SMAD1: variants seen among roughly 807,000 people sequenced by gnomAD.
The protein encoded by SMAD1 is MAD, mothers against decapentaplegic homolog 1.
In SMAD1, 6 loss-of-function variants were observed where a neutral mutation model predicts 41.6. The observed-to-expected ratio is 0.14, with a 90% confidence interval of 0.08 to 0.28. SMAD1 has a LOEUF of 0.28. Ranked by LOEUF, SMAD1 falls within the 10% of genes least tolerant of loss-of-function variation. The pLI, the probability that SMAD1 is intolerant of heterozygous loss-of-function variation, is 1.00. For synonymous variants in SMAD1, 206 were observed against 203.2 expected (o/e 1.01, Z -0.12); for missense variants, 379 against 582.6 (o/e 0.65, Z 3.60).
intron 3 of SMAD1, among the ~76,000 whole-genome samples, chr4:145,541,840 A>T (rs1731959327): frequency 6.6e-6 from 1 of 152,222 alleles, no homozygotes; most frequent in South Asian, 2.1e-4. Context: ...ATGGAAAAGG[A>T]TTATTTGTGA....
chr4:145,500,388 T>C (rs1271075324), intron 1 of SMAD1, among the ~76,000 whole-genome samples: 1 of 152,130 alleles, frequency 6.6e-6, no homozygotes, highest in Non-Finnish European at 1.5e-5. Context: ...TTCTCTCCCC[T>C]CACTCCATTC....
chr4:145,527,945 C>G (rs1206372286), intron 2 of SMAD1, among the ~76,000 whole-genome samples: 20 of 151,618 alleles, frequency 1.3e-4, no homozygotes, highest in African/African-American at 4.6e-4. Context: ...ACTGCAACTT[C>G]CACCGCTCCC....
chr4:145,509,335 T>C (rs150196923), intron 1 of SMAD1, among the ~76,000 whole-genome samples: 1 of 152,338 alleles, frequency 6.6e-6, no homozygotes, highest in East Asian at 1.9e-4. Flanking sequence ...AGCACTGTGC[T>C]AGGCATACTT....
At chr4:145,557,295 G>A (rs977694367) in intron 6 of SMAD1, among the ~76,000 whole-genome samples, 1 of 152,200 alleles carries the variant, frequency 6.6e-6, no homozygotes, top group Non-Finnish European at 1.5e-5. Context: ...ATACTTGAAT[G>A]TACTCCTGCC....
At chr4:145,487,512 T>G (rs138842378) in intron 1 of SMAD1, among the ~76,000 whole-genome samples, 60 of 152,338 alleles carry the variant, frequency 3.9e-4, no homozygotes, top group African/African-American at 1.4e-3. Context: ...CTGAAACCTC[T>G]TGACCCTTTA....
intron 3 of SMAD1, among the ~76,000 whole-genome samples, chr4:145,540,539 C>G (rs1731865782): frequency 6.6e-6 from 1 of 152,094 alleles, no homozygotes. Flanking sequence ...TGATGTAATC[C>G]CAAGAAACGT....
chr4:145,515,067 G>A, intron 2 of SMAD1, 54 bp downstream of exon 2: 1 of 1,498,744 alleles, frequency 6.7e-7, no homozygotes, highest in Non-Finnish European at 9.0e-7. Context: ...CCAGATTTGT[G>A]TTGTTTAGAA....
At chr4:145,549,095 T>C (rs1316055110) in intron 5 of SMAD1, among the ~76,000 whole-genome samples, 4 of 152,102 alleles carry the variant, frequency 2.6e-5, no homozygotes, top group Non-Finnish European at 5.9e-5. Context: ...TTTCAAAATA[T>C]CAATGTGAAA....
At chr4:145,512,459 A>AT (rs763088624) in intron 1 of SMAD1, among the ~76,000 whole-genome samples, 1 of 151,950 alleles carries the variant, frequency 6.6e-6, no homozygotes, top group Non-Finnish European at 1.5e-5. Flanking sequence ...TAGTATGAGC[A>AT]TTTTTTACCA....
At chr4:145,494,405 A>C (rs1298776319) in intron 1 of SMAD1, among the ~76,000 whole-genome samples, 2 of 152,212 alleles carry the variant, frequency 1.3e-5, no homozygotes, top group African/African-American at 4.8e-5. Flanking sequence ...AACTTTAAGG[A>C]ACAATACAAA....
intron 2 of SMAD1, among the ~76,000 whole-genome samples, chr4:145,536,680 G>A (rs1731631973): frequency 6.6e-6 from 1 of 152,176 alleles, no homozygotes; most frequent in Non-Finnish European, 1.5e-5. Context: ...AACCATTATA[G>A]CAAAAATTTA....
intron 1 of SMAD1, among the ~76,000 whole-genome samples, chr4:145,499,510 A>G (rs1490994980): frequency 6.6e-6 from 1 of 152,136 alleles, no homozygotes; most frequent in Non-Finnish European, 1.5e-5. Flanking sequence ...AGTCCCAGCT[A>G]TTCAGGAGGC....
intron 1 of SMAD1, among the ~76,000 whole-genome samples, chr4:145,505,282 A>C (rs1025349957): frequency 6.6e-6 from 1 of 152,220 alleles, no homozygotes; most frequent in Non-Finnish European, 1.5e-5. Context: ...CAGGCCTTGA[A>C]TCCTATCCAA....
Position 145,558,687 on chromosome 4 carries a change from T to A in SMAD1, c.*753T>A, listed in dbSNP as rs559402365. On this transcript the variant is annotated 3_prime_UTR_variant, in exon 7 of 7. Transcript: ENST00000302085. ...TGCTTTAAAGAAACAAACTGATACCTGAATTTTGCTGTGTTTCCATTTTTT... is the reference window on the plus strand; with the variant it reads ...TGCTTTAAAGAAACAAACTGATACCAGAATTTTGCTGTGTTTCCATTTTTT... Among the ~76,000 whole-genome samples the A allele has an allele frequency of 2.6e-5, 4 of 151,878 alleles. No individual in the cohort carries two copies. In the South Asian group the frequency reaches 8.4e-4, roughly 32 times the overall value.
chr4:145,524,321 A>C (rs948885064), intron 2 of SMAD1, among the ~76,000 whole-genome samples: 6 of 151,970 alleles, frequency 3.9e-5, no homozygotes, highest in Non-Finnish European at 8.8e-5. Flanking sequence ...TTGTTATTTT[A>C]ATTTTTTTTT....
chr4:145,555,780 C>T (rs946379177), intron 6 of SMAD1, among the ~76,000 whole-genome samples: 1 of 152,152 alleles, frequency 6.6e-6, no homozygotes, highest in African/African-American at 2.4e-5. Flanking sequence ...AGAAGTAATA[C>T]AAAGATGAAA....
At chr4:145,528,108 T>TA (rs1369993951) in intron 2 of SMAD1, among the ~76,000 whole-genome samples, 2 of 141,664 alleles carry the variant, frequency 1.4e-5, no homozygotes, top group Non-Finnish European at 3.1e-5. Flanking sequence ...CACACATATA[T>TA]TTTTTTTTTT....
At chr4:145,534,033 G>A (rs1731472082) in intron 2 of SMAD1, among the ~76,000 whole-genome samples, 1 of 152,114 alleles carries the variant, frequency 6.6e-6, no homozygotes, top group Non-Finnish European at 1.5e-5. Flanking sequence ...TCTGACTGGG[G>A]TCTTTATAAG....
intron 2 of SMAD1, among the ~76,000 whole-genome samples, chr4:145,528,420 A>G (rs970932962): frequency 2.0e-5 from 3 of 151,064 alleles, no homozygotes; most frequent in African/African-American, 7.4e-5. Flanking sequence ...TGTATTTTTT[A>G]GTAGAGACGG....
Sources: allele counts gnomAD v4.1 joint callset (sites outside exome capture counted in the v4.1 genomes callset), GRCh38; gene constraint gnomAD v4.1.1; transcripts MANE v1.5; gene names NCBI Gene and HGNC (gene_info 2026-07-23, HGNC 2026-07-21).